The following POLR3A variants were observed in gnomAD, a reference collection of about 807,000 sequenced individuals.
The protein encoded by POLR3A is RNA polymerase III subunit A.
Under a neutral mutation model 152.8 loss-of-function variants are expected in POLR3A, and 112 were observed. The ratio of observed to expected loss-of-function variants is 0.73; its 90% confidence interval spans 0.63 to 0.86. The LOEUF is 0.86. POLR3A is among the 40% of genes least tolerant of loss of function. The pLI is 0.00. For synonymous variants in POLR3A, 615 were observed against 652.1 expected, an observed-to-expected ratio of 0.94 and a Z score of 0.87; for missense variants, 1,385 against 1,743.1, an observed-to-expected ratio of 0.79 and a Z score of 3.66.
At chr10:78,018,183 A>C (rs560560345) in intron 9 of POLR3A, among the ~76,000 whole-genome samples, 11 of 151,530 alleles carry the variant, frequency 7.3e-5, no homozygotes, top group Middle Eastern at 3.4e-3. Context: ...AAAAAAAAAA[A>C]AAAAAACCAT....
In POLR3A at chr10:77,975,616, C is replaced by T. The variant is rs12572507; in HGVS notation, c.*1862G>A. ...GAGTACTCACTCACGCAAGGTGAGG[C>T]TCCTTGGCGGTGCCATCTTTATTAT... is the stretch of plus-strand genomic sequence containing the variant. On this transcript the variant is annotated 3_prime_UTR_variant, in exon 31 of 31. Transcript: ENST00000372371. The T allele has an allele frequency of 0.041, 6,181 of 152,454 alleles. 295 individuals are homozygous for T. The highest frequency in any genetic ancestry group is 0.23 in the East Asian group (1,169 of 5,194). The allele number at this position is 152,454 out of a possible 1,614,324, so 9.4% of individuals were successfully genotyped here. A position where few individuals can be genotyped will look rare whatever the true frequency, so the allele number is the denominator to read the frequency against.
chr10:77,999,955 T>C, intron 19 of POLR3A, 26 bp downstream of exon 19: 1 of 1,612,700 alleles, frequency 6.2e-7, no homozygotes. Context: ...GCTCTGTTGC[T>C]AATGGCCTAC....
chr10:78,018,360 G>A (rs1379616937), intron 9 of POLR3A, among the ~76,000 whole-genome samples: 4 of 151,748 alleles, frequency 2.6e-5, no homozygotes, highest in African/African-American at 9.7e-5. Context: ...TTAGTCAGGT[G>A]TGGTGGCGGG....
Position 77,993,329 on chromosome 10 carries a change from C to G in POLR3A, c.2655G>C (p.Gln885His). 1 of 1,613,604 alleles carries G rather than the reference C, an allele frequency of 6.2e-7. No homozygotes were observed. The highest frequency in any genetic ancestry group is 8.5e-7 in the Non-Finnish European group (1 of 1,179,600). Residue 885 changes from glutamine to histidine, a missense_variant, in exon 20 of 31, where the codon CAG (glutamine) becomes CAC (histidine). By Grantham distance (24) the Gln-to-His change is conservative. Coordinates refer to ENST00000372371, the MANE Select transcript of POLR3A (RefSeq NM_007055.4). Reference protein sequence around the residue: ...LVKSLEDLCSQYDLTVRSSTG... With the variant: ...LVKSLEDLCSHYDLTVRSSTG... Reference sequence around the variant, plus strand: ...TAGAGCTTCGGACTGTCAGATCATACTGGGAGCAAAGATCTTCAAGAGATT... The same window carrying G: ...TAGAGCTTCGGACTGTCAGATCATAGTGGGAGCAAAGATCTTCAAGAGATT...
chr10:77,985,757 A>AC, intron 23 of POLR3A, 146 bp downstream of exon 23: 1 of 719,226 alleles, frequency 1.4e-6, no homozygotes, highest in South Asian at 1.5e-5. Flanking sequence ...AATTCATCAG[A>AC]CCCCCTACAG....
Position 77,977,407 on chromosome 10 carries a change from A to G in POLR3A, c.*71T>C, listed in dbSNP as rs1392714246. On this transcript the variant is annotated 3_prime_UTR_variant, in exon 31 of 31. Coordinates refer to ENST00000372371, the MANE Select transcript of POLR3A (RefSeq NM_007055.4). Reference sequence around the variant, plus strand: ...TCAGGACCCCCGTCCCAGGGAGCACAAAACTCTTTATACATCAGCTGGAGA... The same window carrying G: ...TCAGGACCCCCGTCCCAGGGAGCACGAAACTCTTTATACATCAGCTGGAGA... The G allele has an allele frequency of 6.4e-7, 1 of 1,559,800 alleles. No homozygotes were observed. The highest frequency in any genetic ancestry group is 1.4e-5 in the African/African-American group (1 of 73,878).
In POLR3A at chr10:78,025,498, G is replaced by A. The variant is rs191466141; in HGVS notation, c.318+124C>T. 2.8e-4 allele frequency: 247 copies of A among 883,898 alleles called. No individual in the cohort carries two copies. In the African/African-American group the frequency reaches 3.8e-3, roughly 13 times the overall value. 54.8% of individuals were successfully genotyped at this position (883,898 alleles called of 1,614,324 possible). A position where few individuals can be genotyped will look rare whatever the true frequency, so the allele number is the denominator to read the frequency against. On this transcript the variant is annotated intron_variant, in intron 3 of 30. Transcript: ENST00000372371. Reference sequence around the variant, plus strand: ...ACGTAGTGTGAGATGAAAATATTATGTACTTAGTATAAAAGAGTCCCCTAG... The same window carrying A: ...ACGTAGTGTGAGATGAAAATATTATATACTTAGTATAAAAGAGTCCCCTAG...
chr10:77,986,554 G>T (rs1847200338), intron 21 of POLR3A, among the ~76,000 whole-genome samples: 1 of 152,174 alleles, frequency 6.6e-6, no homozygotes, highest in African/African-American at 2.4e-5. Flanking sequence ...ATTAATTTTT[G>T]AGGGTTTCTT....
In POLR3A at chr10:77,989,495, G is replaced by C. The variant is rs188215405; in HGVS notation, c.2901+1559C>G. On this transcript the variant is annotated intron_variant, in intron 21 of 30. Transcript: ENST00000372371. ...ATGTTTAGTCATCCTTGCATCCCCA[G>C]GATCTGTGGACTGTGTGACATATGG... Among the ~76,000 whole-genome samples, 10 of 152,324 alleles carry C rather than the reference G, an allele frequency of 6.6e-5. No homozygotes were observed. In the East Asian group the frequency reaches 1.9e-3, roughly 29 times the overall value.
intron 21 of POLR3A, among the ~76,000 whole-genome samples, chr10:77,989,784 A>G (rs953548504): frequency 7.2e-5 from 11 of 152,224 alleles, no homozygotes; most frequent in African/African-American, 2.7e-4. Context: ...CTTTGAGGAC[A>G]AACAGATAAA....
chr10:78,002,312 G>T lies in POLR3A; in HGVS notation c.2248-4C>A. The T allele has an allele frequency of 1.9e-6, 3 of 1,570,872 alleles. No homozygotes were observed. The highest frequency in any genetic ancestry group is 1.2e-5 in the South Asian group (1 of 86,410). ...ACAGCTCCTTCAGGATCAGTGCCTA[G>T]TGGGAGAAAAGGAGATCCTTGGTGG... On this transcript the variant is annotated splice_region_variant and splice_polypyrimidine_tract_variant and intron_variant, in intron 16 of 30. Coordinates refer to ENST00000372371, the MANE Select transcript of POLR3A (RefSeq NM_007055.4).
intron 16 of POLR3A, among the ~76,000 whole-genome samples, chr10:78,002,969 A>C (rs982322898): frequency 6.6e-6 from 1 of 152,238 alleles, no homozygotes; most frequent in African/African-American, 2.4e-5. Flanking sequence ...AATATATAAG[A>C]TAATATGTGG....
At chr10:78,024,288 TGGGATGCACAGG>T (rs773087447) in intron 5 of POLR3A, among the ~76,000 whole-genome samples, 15 of 147,852 alleles carry the variant, frequency 1.0e-4, no homozygotes, top group Non-Finnish European at 1.9e-4. Context: ...CGTTTTAACC[TGGGATGCACAGG>T]TTGCAGTGAA....
At position 77,997,245 on chromosome 10, in the gene POLR3A, C is replaced by T. The variant is rs889622499; in HGVS notation, c.2616+2736G>A. Among the ~76,000 whole-genome samples the T allele has an allele frequency of 7.9e-5, 12 of 152,022 alleles. No individual in the cohort carries two copies. The South Asian group carries it at 1.2e-3, about 16-fold the overall frequency. ...AAACTGGAAGCATTCCCTTTGAAAACGGGCACAAGACAGGGATGCCCTCTC... is the reference window on the plus strand; with the variant it reads ...AAACTGGAAGCATTCCCTTTGAAAATGGGCACAAGACAGGGATGCCCTCTC... On this transcript the variant is annotated intron_variant, in intron 19 of 30. Coordinates refer to ENST00000372371, the MANE Select transcript of POLR3A (RefSeq NM_007055.4).
rs1329975984 is a variant in POLR3A at position 78,017,677 on chromosome 10, C to A, written c.1329G>T (p.Glu443Asp). The A allele has an allele frequency of 6.2e-7, 1 of 1,614,140 alleles. No homozygotes were observed. The part of the protein sequence containing the change: ...KYGNREKMAQ[E>D]LKYGDIVERH... ...TCTCTACGATGTCACCATACTTGAG[C>A]TCTTGAGCCATCTTTTCTCGATTTC... is the stretch of plus-strand genomic sequence containing the variant. Residue 443 changes from glutamate to aspartate, a missense_variant, in exon 10 of 31, where the codon GAG becomes GAT. Physicochemically the swap from Glu to Asp is conservative, Grantham distance 45. Coordinates refer to ENST00000372371, the MANE Select transcript of POLR3A (RefSeq NM_007055.4).
Position 78,004,703 on chromosome 10 carries a change from G to A in POLR3A, c.2247+13C>T. 1 of 1,609,722 alleles carries A rather than the reference G, an allele frequency of 6.2e-7. No individual in the cohort carries two copies. The highest frequency in any genetic ancestry group is 8.5e-7 in the Non-Finnish European group (1 of 1,178,746). ...CGGCAAGTGGCGACCCTGAACCAAA[G>A]GGCCGGGCTCACCTCCAGGGTCTCC... On this transcript the variant is annotated intron_variant, in intron 16 of 30. Coordinates refer to ENST00000372371, the MANE Select transcript of POLR3A (RefSeq NM_007055.4).
At chr10:77,983,344 C>T (rs931293744) in intron 26 of POLR3A, among the ~76,000 whole-genome samples, 2 of 152,174 alleles carry the variant, frequency 1.3e-5, no homozygotes, top group Non-Finnish European at 2.9e-5. Context: ...CGTGAGAGAA[C>T]GAGCTGACAG....
chr10:78,014,823 T>A (rs1564621354), intron 10 of POLR3A, among the ~76,000 whole-genome samples: 1 of 152,236 alleles, frequency 6.6e-6, no homozygotes, highest in Non-Finnish European at 1.5e-5. Context: ...AGCCTTTGCT[T>A]TATGAGCTGC....
chr10:78,021,850 G>C lies in POLR3A; in HGVS notation c.1048+10C>G, dbSNP rs1847582732. 1.2e-6 allele frequency: 2 copies of C among 1,613,310 alleles called. No individual in the cohort carries two copies. Among genetic ancestry groups the C allele is most frequent in the African/African-American group, 2.7e-5 (2 of 75,008 alleles). ...TGGGCTGGCTTCTGCACATCTTGTG[G>C]GAAACCTACCCTGTTTTCCCTTCAG... On this transcript the variant is annotated intron_variant, in intron 7 of 30. Coordinates refer to ENST00000372371, the MANE Select transcript of POLR3A (RefSeq NM_007055.4).
Sources: allele counts gnomAD v4.1 joint callset (sites outside exome capture counted in the v4.1 genomes callset), GRCh38; gene constraint gnomAD v4.1.1; transcripts MANE v1.5; gene names NCBI Gene and HGNC (gene_info 2026-07-23, HGNC 2026-07-21).